CLCN1: variants seen among roughly 807,000 people sequenced by gnomAD.
CLCN1 encodes chloride channel protein 1.
Under a neutral mutation model 114.5 loss-of-function variants are expected in CLCN1, and 100 were observed. That is an observed-to-expected ratio of 0.87 (90% confidence interval 0.74 to 1.03). The LOEUF (loss-of-function observed/expected upper bound fraction) is 1.03. Ranked by LOEUF, CLCN1 falls within the 50% of genes least tolerant of loss-of-function variation. CLCN1 has a pLI of 0.00. For missense variants in CLCN1, 1,188 were observed against 1,250.0 expected, an observed-to-expected ratio of 0.95 and a Z score of 0.75; for synonymous variants, 485 against 487.1, an observed-to-expected ratio of 1.00 and a Z score of 0.06.
intron 12 of CLCN1, among the ~76,000 whole-genome samples, chr7:143,336,567 A>G (rs1454408184): frequency 7.0e-6 from 1 of 142,734 alleles, no homozygotes; most frequent in African/African-American, 2.6e-5. Flanking sequence ...CTGACACACC[A>G]TTGCACTCCA....
At chr7:143,323,726 C>T in intron 6 of CLCN1, 1 of 507,792 alleles carries the variant, frequency 2.0e-6, no homozygotes, top group Non-Finnish European at 4.0e-6. Context: ...TCCCCCATCC[C>T]TTTGTAGCTC....
chr7:143,316,576 T>A (rs954956059), intron 1 of CLCN1, among the ~76,000 whole-genome samples, 184 bp downstream of exon 1: 4 of 152,242 alleles, frequency 2.6e-5, no homozygotes, highest in African/African-American at 9.6e-5. Context: ...CACTTAAGTA[T>A]GCACTTAGAG....
rs1047097063 is a variant in CLCN1, at chr7:143,346,127, C to G, written c.2173-13C>G. The G allele has an allele frequency of 6.5e-7, 1 of 1,539,654 alleles. No individual in the cohort carries two copies. The highest frequency in any genetic ancestry group is 1.4e-5 in the African/African-American group (1 of 73,318). ...TCTGCTCCCAGGCTGAGACTTCTTA[C>G]TCTTCCTTACAGCTTCCTCCTTCCC... is the stretch of plus-strand genomic sequence containing the variant. On this transcript the variant is annotated splice_polypyrimidine_tract_variant and intron_variant, in intron 17 of 22. Transcript: ENST00000343257.
Position 143,319,721 on chromosome 7 carries a change from C to T in CLCN1, c.181-34C>T, listed in dbSNP as rs753174238. The T allele has an allele frequency of 6.8e-6, 11 of 1,610,636 alleles. No individual in the cohort carries two copies. In the East Asian group the frequency reaches 2.5e-4, roughly 36 times the overall value. ...TGTCTATTATTTTTTTAGTCTTCCA[C>T]AAGGCAGACACTGATCATTCTCTCT... On this transcript the variant is annotated intron_variant, in intron 1 of 22. Coordinates refer to ENST00000343257, the MANE Select transcript of CLCN1 (RefSeq NM_000083.3).
chr7:143,347,529 G>A (rs987324828), intron 20 of CLCN1, among the ~76,000 whole-genome samples: 4 of 146,162 alleles, frequency 2.7e-5, no homozygotes, highest in African/African-American at 1.0e-4. Flanking sequence ...GCTGAGGCAC[G>A]AAAATCACTT....
intron 16 of CLCN1, among the ~76,000 whole-genome samples, chr7:143,344,627 A>T (rs1242172735): frequency 4.6e-5 from 7 of 152,328 alleles, no homozygotes; most frequent in African/African-American, 1.7e-4. Flanking sequence ...ATTCATCTCC[A>T]GAGCACTGCT....
chr7:143,351,907 T>A lies in CLCN1; in HGVS notation c.2909T>A (p.Leu970Ter). The change falls in exon 23 of 23, where the codon TTG becomes TAG. Residue 970 changes from leucine (L) to a stop codon, truncating the protein, a stop_gained. Coordinates refer to ENST00000343257, the MANE Select transcript of CLCN1 (RefSeq NM_000083.3). LOFTEE classifies it high-confidence loss of function. ...PGLEEELADILQGPSLRSTDE... is the reference protein window; with the variant it reads ...PGLEEELADI ...CTGGAAGAGGAGCTGGCCGACATCT[T>A]GCAGGGCCCCAGCCTGCGATCCACA... is the stretch of plus-strand genomic sequence containing the variant. The A allele has an allele frequency of 6.8e-6, 11 of 1,613,874 alleles. No individual in the cohort carries two copies. The highest frequency in any genetic ancestry group is 9.3e-6 in the Non-Finnish European group (11 of 1,180,000).
chr7:143,338,961 G>A (rs183522380), intron 12 of CLCN1, among the ~76,000 whole-genome samples: 3 of 152,262 alleles, frequency 2.0e-5, no homozygotes, highest in East Asian at 1.9e-4. Flanking sequence ...TAAGTACTCC[G>A]GGGCTCCATT....
At chr7:143,348,199 C>T in intron 20 of CLCN1, among the ~76,000 whole-genome samples, 1 of 151,996 alleles carries the variant, frequency 6.6e-6, no homozygotes, top group East Asian at 1.9e-4. Flanking sequence ...CCTCAAAACA[C>T]ACACACTTCT....
Position 143,316,206 on chromosome 7 carries a change from A to G in CLCN1, c.-7A>G, listed in dbSNP as rs765154261. 5 of 1,609,402 alleles carry G rather than the reference A, an allele frequency of 3.1e-6. No individual in the cohort carries two copies. Among genetic ancestry groups the G allele is most frequent in the Non-Finnish European group, 4.2e-6 (5 of 1,177,126 alleles). ...CAAGGCCTGGCCGGGGCTCGGGGGG[A>G]GGGAATATGGAGCAATCCCGGTCAC... On this transcript the variant is annotated 5_prime_UTR_variant, in exon 1 of 23. Transcript: ENST00000343257.
chr7:143,346,849 G>T, intron 19 of CLCN1, 62 bp from the exon 20 acceptor site: 1 of 1,507,474 alleles, frequency 6.6e-7, no homozygotes, highest in East Asian at 2.3e-5. Flanking sequence ...TGTTTCATTG[G>T]GAGCCATAGC....
At chr7:143,322,231 C>T (rs986703592) in intron 5 of CLCN1, among the ~76,000 whole-genome samples, 3 of 152,200 alleles carry the variant, frequency 2.0e-5, no homozygotes, top group Non-Finnish European at 4.4e-5. Context: ...GCCATATGGA[C>T]CCTGGAGGAC....
At chr7:143,347,553 G>A (rs1803282987) in intron 20 of CLCN1, among the ~76,000 whole-genome samples, 1 of 151,420 alleles carries the variant, frequency 6.6e-6, no homozygotes, top group Non-Finnish European at 1.5e-5. Flanking sequence ...CCCGGGAGGT[G>A]GGGGTTGCAG....
intron 12 of CLCN1, among the ~76,000 whole-genome samples, chr7:143,337,139 T>C (rs1210407610): frequency 6.6e-6 from 1 of 152,246 alleles, no homozygotes; most frequent in East Asian, 1.9e-4. Flanking sequence ...CATTACTCTT[T>C]AGTGTTTTAG....
chr7:143,342,707 G>C (rs1401336894), intron 16 of CLCN1, among the ~76,000 whole-genome samples: 1 of 152,176 alleles, frequency 6.6e-6, no homozygotes, highest in East Asian at 1.9e-4. Flanking sequence ...GGTGGCTCAT[G>C]CCTGTAATCC....
intron 14 of CLCN1, among the ~76,000 whole-genome samples, chr7:143,340,502 C>CCCTT (rs1228756239): frequency 6.6e-6 from 1 of 151,624 alleles, no homozygotes; most frequent in East Asian, 1.9e-4. Flanking sequence ...CTTTCTTTCT[C>CCCTT]CCTTCCTTCC....
In CLCN1 at chr7:143,324,411, T is replaced by C. The variant is rs1802526108; in HGVS notation, c.775-3T>C. 1.9e-6 allele frequency: 3 copies of C among 1,612,642 alleles called. No homozygotes were observed. The highest frequency in any genetic ancestry group is 2.5e-6 in the Non-Finnish European group (3 of 1,178,890). ...GTTTCTCTGTCTGTCTCTCCCCTAG[T>C]AGCAGCCATACTACTACTCTGATAT... On this transcript the variant is annotated splice_polypyrimidine_tract_variant and splice_region_variant and intron_variant, in intron 6 of 22. Coordinates refer to ENST00000343257, the MANE Select transcript of CLCN1 (RefSeq NM_000083.3). The surrounding 1 kb of genome is among the most constrained non-coding windows in gnomAD (Gnocchi z 4.6).
At chr7:143,346,011 G>A in intron 17 of CLCN1, 129 bp from the exon 18 acceptor site, 1 of 818,326 alleles carries the variant, frequency 1.2e-6, no homozygotes, top group South Asian at 1.4e-5. Flanking sequence ...AATTCAAAGG[G>A]ATATAGGAAT....
Position 143,321,934 on chromosome 7 carries a change from G to A in CLCN1, c.696+86G>A. The A allele has an allele frequency of 6.7e-7, 1 of 1,490,934 alleles. No individual in the cohort carries two copies. 92.4% of individuals were successfully genotyped at this position (1,490,934 alleles called of 1,614,324 possible). A position where few individuals can be genotyped will look rare whatever the true frequency, so the allele number is the denominator to read the frequency against. ...AACTCTAGAGGGAGCTCTGGGAGTG[G>A]AAGTGGATCAGGGGACAGGACCAAG... is the stretch of plus-strand genomic sequence containing the variant. On this transcript the variant is annotated intron_variant, in intron 5 of 22. Coordinates refer to ENST00000343257, the MANE Select transcript of CLCN1 (RefSeq NM_000083.3). The surrounding 1 kb of genome is among the most constrained non-coding windows in gnomAD (Gnocchi z 4.2).
Sources: gnomAD v4.1 joint callset for allele counts (sites outside exome capture counted in the v4.1 genomes callset) on GRCh38, gnomAD v4.1.1 for gene constraint, Gnocchi (gnomAD v3.1) non-coding constraint, MANE v1.5 for transcripts, NCBI Gene and HGNC (gene_info 2026-07-23, HGNC 2026-07-21) for gene names.